RYR3: variants seen among roughly 807,000 people sequenced by gnomAD.
RYR3 encodes the protein ryanodine receptor 3.
RYR3 carries 207 observed loss-of-function variants against 584.3 expected under a neutral mutation model. The observed-to-expected ratio is 0.35, with a 90% CI of 0.32 to 0.40. The LOEUF is 0.40. Ranked by LOEUF, RYR3 falls within the 10% of genes least tolerant of loss-of-function variation. The probability of loss-of-function intolerance (pLI) is 1.00; values close to 1 mark genes in which losing one functional copy is unlikely to be tolerated. For missense variants in RYR3, 5,616 were observed against 6,089.2 expected, an observed-to-expected ratio of 0.92 and a Z score of 2.59; for synonymous variants, 2,416 against 2,248.5, an observed-to-expected ratio of 1.07 and a Z score of -2.11.
chr15:33,520,346 T>C (rs2053887723), intron 3 of RYR3, among the ~76,000 whole-genome samples: 1 of 152,226 alleles, frequency 6.6e-6, no homozygotes, highest in African/African-American at 2.4e-5. Context: ...AGACTCTTTG[T>C]TGGAAATACT....
chr15:33,645,779 C>T (rs1403826234), intron 28 of RYR3, among the ~76,000 whole-genome samples: 1 of 152,120 alleles, frequency 6.6e-6, no homozygotes, highest in African/African-American at 2.4e-5. Context: ...AACTCTGCCC[C>T]CTGCAATGCT....
rs1445664373 is a variant in RYR3, at chr15:33,724,093, G to A, written c.6829G>A (p.Glu2277Lys). 1 of 1,611,948 alleles carries A rather than the reference G, an allele frequency of 6.2e-7. No homozygotes were observed. Among genetic ancestry groups the A allele is most frequent in the Non-Finnish European group, 8.5e-7 (1 of 1,178,246 alleles). ...CACGGGGGACGATGAAGAGGAAGAA[G>A]AAATCGTGCATATGGGCAATGCAAT... ...VSTGDDEEEE[E>K]IVHMGNAIMS... The change falls in exon 45 of 104, where the codon GAA becomes AAA. Residue 2277 changes from glutamate to lysine, a missense_variant. By Grantham distance (56) the Glu-to-Lys change is moderately conservative. Transcript: ENST00000634891.
At chr15:33,746,031 C>T (rs375713451) in intron 52 of RYR3, 37 bp from the exon 53 acceptor site, 36 of 1,411,044 alleles carry the variant, frequency 2.6e-5, no homozygotes, top group South Asian at 2.1e-4. Flanking sequence ...GGGTTCTTTG[C>T]GTGCCAAGGA....
intron 67 of RYR3, among the ~76,000 whole-genome samples, chr15:33,795,078 C>A (rs912088794): frequency 6.6e-6 from 1 of 152,200 alleles, no homozygotes; most frequent in East Asian, 1.9e-4. Context: ...TTACTCTAAT[C>A]CCTCTTGTGG....
At chr15:33,616,954 G>A (rs909666325) in intron 19 of RYR3, among the ~76,000 whole-genome samples, 8 of 152,152 alleles carry the variant, frequency 5.3e-5, no homozygotes, top group Non-Finnish European at 7.3e-5. Context: ...AAAATAAACC[G>A]ATTGGGTATT....
At position 33,662,919 on chromosome 15, in the gene RYR3, A is replaced by C. The variant is rs750689052; in HGVS notation, c.5389A>C (p.Thr1797Pro). The part of the protein sequence containing the change: ...KEAPVKGLLQ[T>P]RLPESVKLQM... ...GGCTCCTGTCAAAGGCTTGTTGCAG[A>C]CTCGATTACCCGAATCCGTCAAGCT... Residue 1797 changes from threonine (T) to proline (P), a missense_variant, in exon 35 of 104, where the codon ACT (threonine) becomes CCT (proline). Transcript: ENST00000634891. The C allele has an allele frequency of 6.2e-7, 1 of 1,612,942 alleles. No individual in the cohort carries two copies. The highest frequency in any genetic ancestry group is 8.5e-7 in the Non-Finnish European group (1 of 1,179,752).
At chr15:33,320,065 A>G (rs1406374988) in intron 1 of RYR3, among the ~76,000 whole-genome samples, 3 of 152,174 alleles carry the variant, frequency 2.0e-5, no homozygotes, top group Non-Finnish European at 4.4e-5. Context: ...AGCAAAACAC[A>G]TCTGCAGCAA....
chr15:33,451,172 T>TA (rs778087223), intron 1 of RYR3, among the ~76,000 whole-genome samples: 2 of 152,220 alleles, frequency 1.3e-5, no homozygotes, highest in Non-Finnish European at 2.9e-5. Flanking sequence ...GTACTGTTTA[T>TA]AAAGTGCCTG....
intron 86 of RYR3, among the ~76,000 whole-genome samples, chr15:33,831,940 G>A (rs184407420): frequency 2.0e-5 from 3 of 152,190 alleles, no homozygotes; most frequent in Admixed American, 6.5e-5. Flanking sequence ...GCCTCTACCC[G>A]TAAAGAGCTT....
chr15:33,579,017 T>C (rs534483205), intron 12 of RYR3, among the ~76,000 whole-genome samples: 6 of 151,866 alleles, frequency 4.0e-5, no homozygotes, highest in Non-Finnish European at 7.4e-5. Flanking sequence ...TTACAAAAAA[T>C]TGGCAGAGAT....
chr15:33,500,907 G>A (rs1038994200), intron 2 of RYR3, among the ~76,000 whole-genome samples: 17 of 152,130 alleles, frequency 1.1e-4, no homozygotes, highest in African/African-American at 2.9e-4. Flanking sequence ...CAAGTTTTTC[G>A]TTGTTTTGTT....
At chr15:33,422,203 TTTTTG>T (rs1158188349) in intron 1 of RYR3, among the ~76,000 whole-genome samples, 2 of 152,108 alleles carry the variant, frequency 1.3e-5, no homozygotes, top group Non-Finnish European at 2.9e-5. Flanking sequence ...GGTTTTTTTG[TTTTTG>T]TTTTATTACT....
At chr15:33,786,854 A>G (rs1453336992) in intron 66 of RYR3, among the ~76,000 whole-genome samples, 1 of 152,236 alleles carries the variant, frequency 6.6e-6, no homozygotes, top group Non-Finnish European at 1.5e-5. Context: ...GTCCTTCTGC[A>G]GGACCAAGGA....
At chr15:33,339,437 TATGGTAGCCAGG>T (rs1386542314) in intron 1 of RYR3, among the ~76,000 whole-genome samples, 2 of 152,194 alleles carry the variant, frequency 1.3e-5, no homozygotes, top group South Asian at 2.1e-4. Flanking sequence ...CTTCCAAGGT[TATGGTAGCCAGG>T]ATGAAGAAGA....
At chr15:33,508,890 G>C (rs976061315) in intron 3 of RYR3, among the ~76,000 whole-genome samples, 2 of 152,168 alleles carry the variant, frequency 1.3e-5, no homozygotes, top group East Asian at 3.9e-4. Context: ...TGGCACATTT[G>C]TCATATGTTA....
At chr15:33,643,074 C>T (rs1167372197) in intron 27 of RYR3, among the ~76,000 whole-genome samples, 7 of 152,126 alleles carry the variant, frequency 4.6e-5, no homozygotes, top group Non-Finnish European at 1.0e-4. Context: ...AGGAAGAGTG[C>T]ATCTTGGCCT....
At chr15:33,379,157 A>G (rs2040968567) in intron 1 of RYR3, among the ~76,000 whole-genome samples, 2 of 152,220 alleles carry the variant, frequency 1.3e-5, no homozygotes, top group Non-Finnish European at 2.9e-5. Context: ...CATCAGGAAA[A>G]AAATGAGTAC....
At chr15:33,819,912 C>A in intron 77 of RYR3, 105 bp downstream of exon 77, 2 of 815,580 alleles carry the variant, frequency 2.5e-6, no homozygotes, top group South Asian at 2.0e-5. Flanking sequence ...GGGACTTTGT[C>A]ATGACATAGG....
Position 33,788,331 on chromosome 15 carries a change from C to A in RYR3, c.9703C>A (p.Gln3235Lys). Residue 3235 changes from glutamine to lysine, a missense_variant, in exon 67 of 104, where the codon CAG becomes AAG. Physicochemically the swap from Gln to Lys is moderately conservative, Grantham distance 53 (BLOSUM62 1). Transcript: ENST00000634891. The stretch of plus-strand genomic sequence containing the variant: ...TGTCAAGACGGTGCAGGAGGAGGAG[C>A]AGTTGAAAGCCGATGGCAAAGGGGA... ...KAVKTVQEEE[Q>K]LKADGKGDTQ... 6.2e-7 allele frequency: 1 copy of A among 1,613,926 alleles called. No individual in the cohort carries two copies. Among genetic ancestry groups the A allele is most frequent in the South Asian group, 1.1e-5 (1 of 91,080 alleles).
Sources: gnomAD v4.1 joint callset for allele counts (sites outside exome capture counted in the v4.1 genomes callset) on GRCh38, gnomAD v4.1.1 for gene constraint, MANE v1.5 for transcripts, NCBI Gene and HGNC (gene_info 2026-07-23, HGNC 2026-07-21) for gene names.